ECT2L: variants seen among roughly 807,000 people sequenced by gnomAD.
ECT2L encodes epithelial cell-transforming sequence 2 oncogene-like.
ECT2L carries 126 observed loss-of-function variants against 122.8 expected under a neutral mutation model. That is an observed-to-expected ratio of 1.03 (90% CI 0.89 to 1.19). The LOEUF (loss-of-function observed/expected upper bound fraction) is 1.19, where lower values mean the gene tolerates loss of function less well. ECT2L is among the 50% of genes most tolerant of loss of function. The pLI is 0.00. For synonymous variants in ECT2L, 385 were observed against 381.8 expected (o/e 1.01, Z -0.10); for missense variants, 1,012 against 1,064.1 (o/e 0.95, Z 0.68).
In ECT2L at chr6:138,865,159, C is replaced by T; in HGVS notation, c.1455C>T (p.Ser485=). The change falls in exon 12 of 22, where the codon AGC becomes AGT. Residue 485 remains serine, a synonymous_variant. Transcript: ENST00000541398. ...LYPFFKELQK[S]ISGRMIGQFM... ...CTTTCTTCAAGGAACTGCAGAAGAG[C>T]ATCAGTGGCAGGATGATAGGTAAGC... 1 of 1,610,842 alleles carries T rather than the reference C, an allele frequency of 6.2e-7. No homozygotes were observed. Among genetic ancestry groups the T allele is most frequent in the Non-Finnish European group, 8.5e-7 (1 of 1,177,856 alleles).
chr6:138,813,451 T>C (rs1775967429), intron 3 of ECT2L, 111 bp downstream of exon 3: 1 of 831,794 alleles, frequency 1.2e-6, no homozygotes, highest in African/African-American at 1.7e-5. Context: ...CTAAAGAATT[T>C]AGCTTTTCAG....
At chr6:138,840,588 ATT>A (rs35353860) in intron 5 of ECT2L, among the ~76,000 whole-genome samples, 4,720 of 151,638 alleles carry the variant, frequency 0.031, 246 homozygotes, top group African/African-American at 0.11. Flanking sequence ...TTGGCAGCTA[ATT>A]TTTTTTTATA....
intron 9 of ECT2L, 133 bp downstream of exon 9, chr6:138,849,567 G>C: frequency 7.0e-6 from 6 of 854,878 alleles, no homozygotes; most frequent in Middle Eastern, 3.9e-4. Context: ...TATGAAAAAA[G>C]CGAAGCTTTT....
chr6:138,829,542 G>A (rs894245474), intron 4 of ECT2L, among the ~76,000 whole-genome samples: 2 of 152,024 alleles, frequency 1.3e-5, no homozygotes, highest in Non-Finnish European at 2.9e-5. Flanking sequence ...TCCCAATGAC[G>A]TTATTACTCA....
chr6:138,900,971 T>C lies in ECT2L; in HGVS notation c.2438T>C (p.Leu813Pro). The change falls in exon 21 of 22, where the codon CTC (leucine) becomes CCC (proline). Residue 813 changes from leucine to proline, a missense_variant. Transcript: ENST00000541398. Reference protein sequence around the residue: ...SLRLYEHIHDLSLFLFNDALL... With the variant: ...SLRLYEHIHDPSLFLFNDALL... ...AGGCTCTATGAACACATCCATGATCTCAGCCTTTTCCTCTTCAATGATGCC... is the reference window on the plus strand; with the variant it reads ...AGGCTCTATGAACACATCCATGATCCCAGCCTTTTCCTCTTCAATGATGCC... 1 of 1,614,120 alleles carries C rather than the reference T, an allele frequency of 6.2e-7. No individual in the cohort carries two copies. The highest frequency in any genetic ancestry group is 8.5e-7 in the Non-Finnish European group (1 of 1,179,994).
At position 138,862,741 on chromosome 6, in the gene ECT2L, C is replaced by T. The variant is rs533317912; in HGVS notation, c.1291+22C>T. ...CACAGTAAGTGTTATGGGAGCTGAGCGCCACGTCCAATAACACAAGCCAAC... is the reference window on the plus strand; with the variant it reads ...CACAGTAAGTGTTATGGGAGCTGAGTGCCACGTCCAATAACACAAGCCAAC... On this transcript the variant is annotated intron_variant, in intron 11 of 21. Coordinates refer to ENST00000541398, the MANE Select transcript of ECT2L (RefSeq NM_001077706.3). 28 of 1,601,000 alleles carry T rather than the reference C, an allele frequency of 1.7e-5. No homozygotes were observed. In the African/African-American group the frequency reaches 2.1e-4, roughly 12 times the overall value.
chr6:138,885,723 A>T lies in ECT2L; in HGVS notation c.2152A>T (p.Asn718Tyr), dbSNP rs369123657. 2.5e-6 allele frequency: 4 copies of T among 1,614,168 alleles called. No individual in the cohort carries two copies. The highest frequency in any genetic ancestry group is 2.2e-5 in the South Asian group (2 of 91,070). Residue 718 changes from asparagine to tyrosine, a missense_variant, in exon 18 of 22, where the codon AAT becomes TAT. Coordinates refer to ENST00000541398, the MANE Select transcript of ECT2L (RefSeq NM_001077706.3). ...YPSRRFEEYL[N>Y]LLYAVRLHTP... ...ATCCCGAAGATTTGAAGAATACCTT[A>T]ATCTTCTCTACGCTGTCAGGCTTCA...
At chr6:138,851,118 T>C (rs996678482) in intron 9 of ECT2L, among the ~76,000 whole-genome samples, 4 of 151,798 alleles carry the variant, frequency 2.6e-5, no homozygotes, top group Non-Finnish European at 5.9e-5. Flanking sequence ...TGCACGACAT[T>C]TACAATCTCT....
chr6:138,827,689 G>A (rs1473727731), intron 4 of ECT2L, among the ~76,000 whole-genome samples: 3 of 152,054 alleles, frequency 2.0e-5, no homozygotes, highest in Admixed American at 2.0e-4. Context: ...CTCCCAAGTA[G>A]CTGGGATTAC....
chr6:138,893,383 C>T (rs1490163107), intron 20 of ECT2L, among the ~76,000 whole-genome samples: 4 of 150,954 alleles, frequency 2.6e-5, no homozygotes, highest in African/African-American at 9.7e-5. Flanking sequence ...TGGTACTTTT[C>T]TCCTCTCCAC....
Position 138,814,597 on chromosome 6 carries a change from A to G in ECT2L, c.173A>G (p.Gln58Arg), listed in dbSNP as rs370937616. ...FAIFLRCTKS[Q>R]LRFVQDWFSE... ...ATTTTTTTAAGATGCACTAAATCAC[A>G]ATTAAGGTAAATGTAGCCTAATGAT... Residue 58 changes from glutamine (Q) to arginine (R), a missense_variant, in exon 4 of 22, where the codon CAA becomes CGA. By Grantham distance (43) the Gln-to-Arg change is conservative. Coordinates refer to ENST00000541398, the MANE Select transcript of ECT2L (RefSeq NM_001077706.3). The G allele has an allele frequency of 1.3e-6, 2 of 1,581,694 alleles. No homozygotes were observed. The highest frequency in any genetic ancestry group is 1.7e-6 in the Non-Finnish European group (2 of 1,151,810).
intron 1 of ECT2L, among the ~76,000 whole-genome samples, chr6:138,812,253 T>C (rs1748075013): frequency 6.6e-6 from 1 of 152,188 alleles, no homozygotes; most frequent in South Asian, 2.1e-4. Flanking sequence ...AAGTTTCTGT[T>C]GTGCAAGTCA....
At chr6:138,900,265 G>A (rs77397682) in intron 20 of ECT2L, among the ~76,000 whole-genome samples, 3 of 138,794 alleles carry the variant, frequency 2.2e-5, no homozygotes, top group Non-Finnish European at 1.6e-5. Flanking sequence ...TTTTTTTTTT[G>A]AGGCGGAGTC....
At chr6:138,847,532 G>A (rs1316972456) in intron 8 of ECT2L, among the ~76,000 whole-genome samples, 17 of 147,084 alleles carry the variant, frequency 1.2e-4, no homozygotes, top group African/African-American at 2.8e-4. Flanking sequence ...CACCATGCCC[G>A]GCTAATTTTT....
Position 138,855,369 on chromosome 6 carries a change from C to T in ECT2L, c.1198+1215C>T, listed in dbSNP as rs142876415. On this transcript the variant is annotated intron_variant, in intron 10 of 21. Coordinates refer to ENST00000541398, the MANE Select transcript of ECT2L (RefSeq NM_001077706.3). The stretch of plus-strand genomic sequence containing the variant: ...CTAAAAATAGAAAAAAATAGCTGGG[C>T]GTGGTGGCAGACACCTGTAATCCCA... Among the ~76,000 whole-genome samples, 1,309 of 151,840 alleles carry T rather than the reference C, an allele frequency of 8.6e-3. 21 individuals carry two copies. The highest frequency in any genetic ancestry group is 0.03 in the African/African-American group (1,233 of 41,406).
At chr6:138,819,201 A>G (rs1043166986) in intron 4 of ECT2L, among the ~76,000 whole-genome samples, 2 of 150,598 alleles carry the variant, frequency 1.3e-5, no homozygotes, top group African/African-American at 2.4e-5. Context: ...AGCATTTGCA[A>G]TTGGGATGGT....
chr6:138,884,659 A>AAT (rs1313333982), intron 16 of ECT2L, among the ~76,000 whole-genome samples: 1 of 152,136 alleles, frequency 6.6e-6, no homozygotes, highest in African/African-American at 2.4e-5. Flanking sequence ...AAACAAAAAA[A>AAT]ATATATTAAG....
intron 4 of ECT2L, among the ~76,000 whole-genome samples, chr6:138,827,437 AAAC>A (rs1463994714): frequency 6.6e-6 from 1 of 152,170 alleles, no homozygotes; most frequent in Non-Finnish European, 1.5e-5. Context: ...ACACATATAC[AAAC>A]AATATAAGGG....
chr6:138,889,349 G>A (rs1156271668), intron 20 of ECT2L, among the ~76,000 whole-genome samples: 1 of 151,564 alleles, frequency 6.6e-6, no homozygotes, highest in African/African-American at 2.4e-5. Flanking sequence ...TTTTGAGATG[G>A]AGTCTCACTC....
Sources: allele counts gnomAD v4.1 joint callset (sites outside exome capture counted in the v4.1 genomes callset), GRCh38; gene constraint gnomAD v4.1.1; transcripts MANE v1.5; gene names NCBI Gene and HGNC (gene_info 2026-07-23, HGNC 2026-07-21).